CTCF: variants seen among roughly 807,000 people sequenced by gnomAD.
CTCF encodes the protein CCCTC-binding factor, also known as transcriptional repressor CTCF.
In CTCF, 7 loss-of-function variants were observed where a neutral mutation model predicts 72.3. The ratio of observed to expected loss-of-function variants is 0.10; its 90% confidence interval spans 0.06 to 0.18. The LOEUF (loss-of-function observed/expected upper bound fraction) is 0.18. Ranked by LOEUF, CTCF falls within the 10% of genes least tolerant of loss-of-function variation. The probability of loss-of-function intolerance (pLI) is 1.00; values close to 1 mark genes in which losing one functional copy is unlikely to be tolerated. For missense variants in CTCF, 516 were observed against 949.1 expected (o/e 0.54, Z 6.00); for synonymous variants, 374 against 315.8 (o/e 1.18, Z -1.95).
At chr16:67,617,607 GGGAGGT>G (rs2052149098) in intron 5 of CTCF, among the ~76,000 whole-genome samples, 1 of 152,056 alleles carries the variant, frequency 6.6e-6, no homozygotes. Context: ...ACTTGAACCC[GGGAGGT>G]GGAGGTTGCA....
intron 2 of CTCF, among the ~76,000 whole-genome samples, chr16:67,602,110 T>C (rs2051900092): frequency 6.6e-6 from 1 of 152,088 alleles, no homozygotes; most frequent in Non-Finnish European, 1.5e-5. Flanking sequence ...GTGATCCGCC[T>C]GCCTCGGCCT....
intron 2 of CTCF, among the ~76,000 whole-genome samples, chr16:67,586,888 G>A (rs1252132819): frequency 6.6e-6 from 1 of 151,776 alleles, no homozygotes; most frequent in Non-Finnish European, 1.5e-5. Flanking sequence ...CTGGCTCCTG[G>A]GCGCCTGCAA....
chr16:67,612,962 T>A (rs1213457412), intron 4 of CTCF, among the ~76,000 whole-genome samples: 1 of 152,194 alleles, frequency 6.6e-6, no homozygotes, highest in Non-Finnish European at 1.5e-5. Context: ...ACATTTTTTG[T>A]TTCTGGTTGT....
At chr16:67,587,962 G>T (rs895751538) in intron 2 of CTCF, among the ~76,000 whole-genome samples, 14 of 152,044 alleles carry the variant, frequency 9.2e-5, no homozygotes, top group Admixed American at 2.6e-4. Flanking sequence ...GGTCCAAGCA[G>T]TTCTCCTGAC....
At chr16:67,594,677 G>T (rs28420625) in intron 2 of CTCF, among the ~76,000 whole-genome samples, 1 of 152,114 alleles carries the variant, frequency 6.6e-6, no homozygotes, top group South Asian at 2.1e-4. Context: ...ACAGTGTTTT[G>T]TTTTTCCATG....
intron 2 of CTCF, among the ~76,000 whole-genome samples, chr16:67,605,762 T>C (rs1389182182): frequency 6.6e-6 from 1 of 152,172 alleles, no homozygotes; most frequent in Non-Finnish European, 1.5e-5. Flanking sequence ...CAGAAAGCTT[T>C]GTTGTGCCAG....
chr16:67,635,895 G>A (rs2052422309), intron 10 of CTCF, among the ~76,000 whole-genome samples: 1 of 152,036 alleles, frequency 6.6e-6, no homozygotes, highest in African/African-American at 2.4e-5. Context: ...CAACGTGCTG[G>A]GATTACAAGT....
intron 5 of CTCF, among the ~76,000 whole-genome samples, chr16:67,619,787 T>G (rs1376413322): frequency 6.6e-6 from 1 of 152,202 alleles, no homozygotes; most frequent in Non-Finnish European, 1.5e-5. Flanking sequence ...TTTTGCCATG[T>G]TGCCCAGGCT....
intron 2 of CTCF, among the ~76,000 whole-genome samples, chr16:67,584,385 G>T (rs1597689643): frequency 1.5e-5 from 2 of 136,652 alleles, no homozygotes; most frequent in East Asian, 2.1e-4. Context: ...CTGTCACCCA[G>T]GCTGGAGTGC....
intron 2 of CTCF, among the ~76,000 whole-genome samples, chr16:67,607,337 A>G (rs916734833): frequency 6.9e-6 from 1 of 144,432 alleles, no homozygotes; most frequent in African/African-American, 2.6e-5. Context: ...ACCGAGTCTC[A>G]CTCTGTCGCC....
intron 10 of CTCF, among the ~76,000 whole-genome samples, chr16:67,629,810 T>C (rs924874347): frequency 2.5e-5 from 3 of 122,436 alleles, no homozygotes; most frequent in Admixed American, 9.7e-5. Context: ...AGTCTCGCTC[T>C]GTCGCCCAGG....
At position 67,591,721 on chromosome 16, in the gene CTCF, T is replaced by G. The variant is rs558542109; in HGVS notation, c.-9-19103T>G. On this transcript the variant is annotated intron_variant, in intron 2 of 11. Coordinates refer to ENST00000264010, the MANE Select transcript of CTCF (RefSeq NM_006565.4). The stretch of plus-strand genomic sequence containing the variant: ...CTCAGGAAAAACTGATTACTTTTTT[T>G]GGGGGGGGGCAGTAAGGGCACAGAG... 2.9e-3 allele frequency among the ~76,000 whole-genome samples: 432 copies of G among 150,638 alleles called. 3 individuals carry two copies. The highest frequency in any genetic ancestry group is 9.6e-3 in the African/African-American group (393 of 41,006).
intron 2 of CTCF, among the ~76,000 whole-genome samples, chr16:67,583,769 A>G (rs968184015): frequency 6.6e-6 from 1 of 152,036 alleles, no homozygotes; most frequent in Non-Finnish European, 1.5e-5. Context: ...TTAATCCTTG[A>G]CTTTCGGGCA....
rs1567617407 is a variant in CTCF at position 67,631,160 on chromosome 16, T to TTG, written c.1837+1628_1837+1629insGT. Among the ~76,000 whole-genome samples, 59 of 135,648 alleles carry TTG rather than the reference T, an allele frequency of 4.3e-4. 1 individual carries two copies. Among genetic ancestry groups the TTG allele is most frequent in the Middle Eastern group, 3.5e-3 (1 of 284 alleles). The allele number at this position is 135,648 out of a possible 152,430, so 89.0% of individuals were successfully genotyped here. A position where few individuals can be genotyped will look rare whatever the true frequency, so the allele number is the denominator to read the frequency against. On this transcript the variant is annotated intron_variant, in intron 10 of 11. Coordinates refer to ENST00000264010, the MANE Select transcript of CTCF (RefSeq NM_006565.4). ...CTTTTTTTGTTCTTTGTTTGTTTTT[T>TTG]TTTTGTTTTTTGTTTTTTTTTTGAG...
intron 1 of CTCF, among the ~76,000 whole-genome samples, chr16:67,569,663 G>A (rs1055821222): frequency 1.3e-4 from 20 of 151,636 alleles, no homozygotes; most frequent in Non-Finnish European, 2.2e-4. Flanking sequence ...TCAAAGGTCA[G>A]TAAAAGCTCC....
chr16:67,631,390 C>T (rs1044258571), intron 10 of CTCF, among the ~76,000 whole-genome samples: 1 of 151,802 alleles, frequency 6.6e-6, no homozygotes, highest in Non-Finnish European at 1.5e-5. Flanking sequence ...GTCCAGAACC[C>T]CTGACCTCAG....
Position 67,610,966 on chromosome 16 carries a change from C to T in CTCF, c.134C>T (p.Thr45Met), listed in dbSNP as rs753730952. The T allele has an allele frequency of 1.5e-5, 24 of 1,593,310 alleles. No homozygotes were observed. Among genetic ancestry groups the T allele is most frequent in the South Asian group, 1.4e-4 (13 of 89,850 alleles). ...GCCTGCCACTTACCCCAGAACCAGA[C>T]GGATGGGGGTGAGGTGGTCCAGGAT... is the stretch of plus-strand genomic sequence containing the variant. ...EDACHLPQNQ[T>M]DGGEVVQDVN... is the part of the protein sequence containing the mutation. The change falls in exon 3 of 12, where the codon ACG (threonine) becomes ATG (methionine). Residue 45 changes from threonine to methionine, a missense_variant. Around this residue, in one of 7 missense-constraint regions of CTCF, gnomAD observed 148 missense variants for 194.9 expected, o/e 0.76. Transcript: ENST00000264010.
intron 2 of CTCF, among the ~76,000 whole-genome samples, chr16:67,602,842 C>CA (rs75191313): frequency 0.048 from 2,630 of 54,942 alleles, 55 homozygotes; most frequent in Middle Eastern, 0.083. Flanking sequence ...ACTCCATCTC[C>CA]AAAAAAAAAA....
At chr16:67,579,273 TAAAAATA>T in intron 2 of CTCF, among the ~76,000 whole-genome samples, 1 of 151,676 alleles carries the variant, frequency 6.6e-6, no homozygotes, top group South Asian at 2.1e-4. Context: ...AAATAAATAA[TAAAAATA>T]AAAAATAAAG....
Sources: allele counts gnomAD v4.1 joint callset (sites outside exome capture counted in the v4.1 genomes callset), GRCh38; gene constraint gnomAD v4.1.1; regional missense constraint gnomAD v4.1.1; transcripts MANE v1.5; gene names NCBI Gene and HGNC (gene_info 2026-07-23, HGNC 2026-07-21).